TM4SF4: variants seen among roughly 807,000 people sequenced by gnomAD.
The protein encoded by TM4SF4 is transmembrane 4 L six family member 4.
In TM4SF4, 24 loss-of-function variants were observed where a neutral mutation model predicts 24.1. The ratio of observed to expected loss-of-function variants is 1.00; its 90% CI spans 0.72 to 1.40. The LOEUF is 1.40. TM4SF4 is among the 40% of genes most tolerant of loss of function. The probability of loss-of-function intolerance (pLI) is 0.00; values close to 1 mark genes in which losing one functional copy is unlikely to be tolerated. For synonymous variants in TM4SF4, 113 were observed against 97.0 expected, an observed-to-expected ratio of 1.17 and a Z score of -0.97; for missense variants, 254 against 254.2, an observed-to-expected ratio of 1.00 and a Z score of 0.01.
intron 2 of TM4SF4, 141 bp downstream of exon 2, chr3:149,476,053 T>C: frequency 1.4e-6 from 1 of 689,682 alleles, no homozygotes; most frequent in Non-Finnish European, 2.5e-6. Flanking sequence ...AACTGTGATT[T>C]TTCCTGCCAG....
chr3:149,482,413 C>T (rs1435963487), intron 2 of TM4SF4, among the ~76,000 whole-genome samples: 1 of 152,228 alleles, frequency 6.6e-6, no homozygotes, highest in African/African-American at 2.4e-5. Flanking sequence ...CAACTTCCCT[C>T]CTCAGAGGTC....
chr3:149,484,562 T>G (rs539316438), intron 2 of TM4SF4, among the ~76,000 whole-genome samples: 36 of 150,882 alleles, frequency 2.4e-4, no homozygotes, highest in African/African-American at 7.3e-4. Context: ...TTTTTTTTTT[T>G]TTTTTTGGAG....
chr3:149,494,692 C>T (rs56303133), intron 3 of TM4SF4: 1 of 152,240 alleles, frequency 6.6e-6, no homozygotes, highest in Admixed American at 6.6e-5. Context: ...TCAATATCGT[C>T]GTTATTGGAC....
intron 1 of TM4SF4, 123 bp from the exon 2 acceptor site, chr3:149,475,700 C>T (rs1733915699): frequency 1.3e-6 from 1 of 770,982 alleles, no homozygotes; most frequent in East Asian, 2.7e-5. Context: ...TGCTCTGTTA[C>T]TTTGCCATTC....
intron 2 of TM4SF4, among the ~76,000 whole-genome samples, chr3:149,477,706 T>A (rs889990499): frequency 7.2e-5 from 11 of 152,204 alleles, no homozygotes; most frequent in Admixed American, 2.6e-4. Flanking sequence ...GAGTTCTTTT[T>A]AAAAAACCCA....
At chr3:149,491,588 C>CAT (rs924513265) in intron 3 of TM4SF4, among the ~76,000 whole-genome samples, 5 of 151,876 alleles carry the variant, frequency 3.3e-5, no homozygotes, top group African/African-American at 1.2e-4. Flanking sequence ...TACACACACA[C>CAT]ATATATATAT....
At position 149,491,597 on chromosome 3, in the gene TM4SF4, A is replaced by G. The variant is rs79123341; in HGVS notation, c.401+3842A>G. Among the ~76,000 whole-genome samples the G allele has an allele frequency of 6.9e-3, 1,058 of 152,300 alleles. 12 individuals are homozygous for G. The highest frequency in any genetic ancestry group is 0.011 in the Admixed American group (166 of 15,296). On this transcript the variant is annotated intron_variant, in intron 3 of 4. Coordinates refer to ENST00000305354, the MANE Select transcript of TM4SF4 (RefSeq NM_004617.4). ...TATATATACACACACACATATATAT[A>G]TGTAGTCAGTATCTTATTTTGTGCT...
At chr3:149,479,935 G>A (rs555008360) in intron 2 of TM4SF4, among the ~76,000 whole-genome samples, 1 of 152,322 alleles carries the variant, frequency 6.6e-6, no homozygotes, top group African/African-American at 2.4e-5. Context: ...GAAGCAGGAT[G>A]TGGTGGCTGC....
chr3:149,481,304 G>A (rs1288307789), intron 2 of TM4SF4, among the ~76,000 whole-genome samples: 2 of 149,902 alleles, frequency 1.3e-5, no homozygotes, highest in Non-Finnish European at 3.0e-5. Context: ...AGTGCCTAGG[G>A]TATGGAGGAC....
chr3:149,487,725 A>G lies in TM4SF4; in HGVS notation c.371A>G (p.Asn124Ser), dbSNP rs1172356618. The G allele has an allele frequency of 1.2e-6, 2 of 1,613,934 alleles. No individual in the cohort carries two copies. Among genetic ancestry groups the G allele is most frequent in the Non-Finnish European group, 1.7e-6 (2 of 1,179,908 alleles). ...AAGGGTCCTAAATGCCTCATGGCCA[A>G]TAGTACATGGGGCTACCCCTTCCAC... ...INKGPKCLMANSTWGYPFHDG... is the reference protein window; with the variant it reads ...INKGPKCLMASSTWGYPFHDG... Residue 124 changes from asparagine to serine, a missense_variant, in exon 3 of 5, where the codon AAT (asparagine) becomes AGT (serine). Asn to Ser is a conservative substitution (Grantham distance 46). Transcript: ENST00000305354.
chr3:149,475,806 G>C lies in TM4SF4; in HGVS notation c.175-17G>C. On this transcript the variant is annotated splice_polypyrimidine_tract_variant and intron_variant, in intron 1 of 4. Transcript: ENST00000305354. ...TCAACTCCTGGACTCTCTCTGAGGT[G>C]CCTCTTCTCCTGGTAGATGATCTTC... 6.3e-7 allele frequency: 1 copy of C among 1,597,598 alleles called. No individual in the cohort carries two copies.
chr3:149,487,819 A>C, intron 3 of TM4SF4, 64 bp downstream of exon 3: 1 of 1,588,294 alleles, frequency 6.3e-7, no homozygotes, highest in Non-Finnish European at 8.6e-7. Context: ...AAATTGCCCA[A>C]GGGGAGACTG....
chr3:149,488,310 A>G (rs1206720846), intron 3 of TM4SF4, among the ~76,000 whole-genome samples: 1 of 152,218 alleles, frequency 6.6e-6, no homozygotes. Context: ...GTAGATTGTA[A>G]AGACCTTTAT....
intron 3 of TM4SF4, among the ~76,000 whole-genome samples, 154 bp downstream of exon 3, chr3:149,487,909 A>G (rs1354884766): frequency 2.0e-5 from 3 of 152,246 alleles, no homozygotes; most frequent in African/African-American, 7.2e-5. Flanking sequence ...TGTGGAATAC[A>G]GCAAAGTTGC....
In TM4SF4 at chr3:149,475,711, C is replaced by T. The variant is rs1225677733; in HGVS notation, c.175-112C>T. 3 of 852,148 alleles carry T rather than the reference C, an allele frequency of 3.5e-6. No homozygotes were observed. The African/African-American group carries it at 5.0e-5, about 14-fold the overall frequency. The allele number at this position is 852,148 out of a possible 1,614,324, so 52.8% of individuals were successfully genotyped here. On this transcript the variant is annotated intron_variant, in intron 1 of 4. Transcript: ENST00000305354. Reference sequence around the variant, plus strand: ...GCCATGCTCTGTTACTTTGCCATTCCCTTTGGGCCTCCAAATCCCTCATTG... The same window carrying T: ...GCCATGCTCTGTTACTTTGCCATTCTCTTTGGGCCTCCAAATCCCTCATTG...
At chr3:149,491,908 G>A (rs1437150794) in intron 3 of TM4SF4, among the ~76,000 whole-genome samples, 3 of 152,188 alleles carry the variant, frequency 2.0e-5, no homozygotes, top group Non-Finnish European at 2.9e-5. Flanking sequence ...GTGTGAATGA[G>A]GAGAGATTTG....
At chr3:149,486,749 G>A (rs911557729) in intron 2 of TM4SF4, among the ~76,000 whole-genome samples, 1 of 152,144 alleles carries the variant, frequency 6.6e-6, no homozygotes, top group Non-Finnish European at 1.5e-5. Context: ...GGGTGGAAGG[G>A]GTGAGAGATG....
intron 2 of TM4SF4, among the ~76,000 whole-genome samples, chr3:149,476,792 G>GTTTTTTTTTT (rs1222196664): frequency 9.7e-6 from 1 of 102,854 alleles, no homozygotes. Context: ...TTTCTTTTCT[G>GTTTTTTTTTT]TTTTTTTTTG....
chr3:149,475,778 C>A, intron 1 of TM4SF4, 45 bp from the exon 2 acceptor site: 1 of 1,539,490 alleles, frequency 6.5e-7, no homozygotes, highest in South Asian at 1.2e-5. Context: ...TCGGGCCCTC[C>A]CTTCAACTCC....
Sources: gnomAD v4.1 joint callset for allele counts (sites outside exome capture counted in the v4.1 genomes callset) on GRCh38, gnomAD v4.1.1 for gene constraint, MANE v1.5 for transcripts, NCBI Gene and HGNC (gene_info 2026-07-23, HGNC 2026-07-21) for gene names.